Variants in CDK14 observed in about 807,000 individuals in gnomAD.
CDK14 encodes the protein cyclin dependent kinase 14, also known as cyclin-dependent kinase 14.
Under a neutral mutation model 60.7 loss-of-function variants are expected in CDK14, and 34 were observed. That is an observed-to-expected ratio of 0.56 (90% CI 0.43 to 0.75). The LOEUF (loss-of-function observed/expected upper bound fraction) is 0.75, where lower values mean the gene tolerates loss of function less well. Ranked by LOEUF, CDK14 falls within the 30% of genes least tolerant of loss-of-function variation. The pLI is 0.00. For synonymous variants in CDK14, 197 were observed against 203.7 expected (o/e 0.97, Z 0.28); for missense variants, 482 against 564.1 (o/e 0.85, Z 1.47).
intron 14 of CDK14, among the ~76,000 whole-genome samples, chr7:91,155,944 G>C (rs999664978): frequency 1.3e-5 from 2 of 152,140 alleles, no homozygotes; most frequent in African/African-American, 4.8e-5. Flanking sequence ...CACTTGCTGG[G>C]TAAAACCTGG....
intron 2 of CDK14, among the ~76,000 whole-genome samples, chr7:90,715,751 G>C (rs1802227843): frequency 6.7e-6 from 1 of 149,312 alleles, no homozygotes; most frequent in Non-Finnish European, 1.5e-5. Flanking sequence ...CCACTGTGTA[G>C]CTTGATTTTT....
At chr7:90,786,818 C>A (rs1294730700) in intron 4 of CDK14, among the ~76,000 whole-genome samples, 1 of 148,768 alleles carries the variant, frequency 6.7e-6, no homozygotes, top group East Asian at 2.0e-4. Flanking sequence ...ACTCTGGAGG[C>A]TGAGGTAGGA....
intron 2 of CDK14, among the ~76,000 whole-genome samples, chr7:90,624,287 G>A (rs1481590601): frequency 6.6e-6 from 1 of 152,160 alleles, no homozygotes; most frequent in Non-Finnish European, 1.5e-5. Flanking sequence ...TCAGATTAGG[G>A]GAGGTATGTG....
At chr7:91,078,471 G>C (rs1244961710) in intron 11 of CDK14, among the ~76,000 whole-genome samples, 1 of 152,134 alleles carries the variant, frequency 6.6e-6, no homozygotes, top group Non-Finnish European at 1.5e-5. Context: ...GCTGGGTGTG[G>C]CAGCACATGC....
intron 4 of CDK14, among the ~76,000 whole-genome samples, chr7:90,784,504 A>G (rs1805484125): frequency 6.6e-6 from 1 of 152,230 alleles, no homozygotes; most frequent in African/African-American, 2.4e-5. Flanking sequence ...TTATATGTTT[A>G]TATCAATAGC....
At chr7:90,991,845 C>G (rs1795548065) in intron 10 of CDK14, among the ~76,000 whole-genome samples, 1 of 152,116 alleles carries the variant, frequency 6.6e-6, no homozygotes, top group Admixed American at 6.5e-5. Context: ...GAGGGATGCA[C>G]TAGGTTGTCC....
intron 2 of CDK14, among the ~76,000 whole-genome samples, chr7:90,687,657 C>T (rs1233058212): frequency 1.3e-5 from 2 of 151,944 alleles, no homozygotes; most frequent in African/African-American, 4.8e-5. Flanking sequence ...GAAAACAAGG[C>T]AGAAAGTTTT....
intron 5 of CDK14, among the ~76,000 whole-genome samples, chr7:90,861,771 A>G (rs1211778208): frequency 6.6e-6 from 1 of 152,208 alleles, no homozygotes; most frequent in Non-Finnish European, 1.5e-5. Flanking sequence ...GGCAAAGGTG[A>G]CAGAAAAAAA....
chr7:90,654,343 T>G (rs1296471116), intron 2 of CDK14, among the ~76,000 whole-genome samples: 1 of 152,236 alleles, frequency 6.6e-6, no homozygotes, highest in Non-Finnish European at 1.5e-5. Context: ...TGAAATTAGC[T>G]GATTACTCAG....
chr7:90,680,908 G>A (rs1276044739), intron 2 of CDK14, among the ~76,000 whole-genome samples: 1 of 152,160 alleles, frequency 6.6e-6, no homozygotes, highest in Non-Finnish European at 1.5e-5. Flanking sequence ...GGCCATACGT[G>A]GATGTACTTT....
chr7:90,756,016 G>A (rs1003930517), intron 4 of CDK14, among the ~76,000 whole-genome samples: 1 of 152,164 alleles, frequency 6.6e-6, no homozygotes, highest in African/African-American at 2.4e-5. Flanking sequence ...GCTTAGAGAG[G>A]TTTAGCATCT....
At chr7:90,597,118 C>T (rs1360233524) in intron 1 of CDK14, 1 of 185,722 alleles carries the variant, frequency 5.4e-6, no homozygotes, top group Non-Finnish European at 1.1e-5. Flanking sequence ...AGTAATTTAG[C>T]TTTGGAAATT....
chr7:90,899,088 A>G (rs1792421977), intron 6 of CDK14, among the ~76,000 whole-genome samples: 1 of 151,972 alleles, frequency 6.6e-6, no homozygotes, highest in Admixed American at 6.6e-5. Flanking sequence ...AACATAAAAC[A>G]GAGCCGAGAG....
At chr7:90,930,717 C>A (rs1453842643) in intron 8 of CDK14, among the ~76,000 whole-genome samples, 1 of 152,042 alleles carries the variant, frequency 6.6e-6, no homozygotes, top group Admixed American at 6.6e-5. Context: ...AAACTTCAGT[C>A]ATTTCTAATA....
chr7:90,816,881 A>G (rs1452990241), intron 5 of CDK14, among the ~76,000 whole-genome samples: 2 of 152,216 alleles, frequency 1.3e-5, no homozygotes, highest in Non-Finnish European at 2.9e-5. Flanking sequence ...CCACCATTTT[A>G]CAAGAGAACA....
chr7:91,082,026 G>C (rs1584030406), intron 12 of CDK14, among the ~76,000 whole-genome samples: 2 of 152,096 alleles, frequency 1.3e-5, no homozygotes, highest in African/African-American at 4.8e-5. Context: ...AACATGTACT[G>C]TTTTCTGACT....
intron 5 of CDK14, among the ~76,000 whole-genome samples, chr7:90,821,506 C>T (rs979065337): frequency 6.6e-6 from 1 of 152,170 alleles, no homozygotes; most frequent in African/African-American, 2.4e-5. Context: ...CTCTCTGCCT[C>T]CTCAAGGGCC....
rs1173742211 is a variant in CDK14, at chr7:90,726,562, C to A, written c.124-5C>A. ...AGTTCTGAATTTAATTTCTTCTTTTCTCAGATATGTGTCACAAAGATGTCT... is the reference window on the plus strand; with the variant it reads ...AGTTCTGAATTTAATTTCTTCTTTTATCAGATATGTGTCACAAAGATGTCT... On this transcript the variant is annotated splice_polypyrimidine_tract_variant and splice_region_variant and intron_variant, in intron 2 of 14. Transcript: ENST00000380050. 1 of 1,612,014 alleles carries A rather than the reference C, an allele frequency of 6.2e-7. No individual in the cohort carries two copies. Among genetic ancestry groups the A allele is most frequent in the Non-Finnish European group, 8.5e-7 (1 of 1,178,908 alleles).
chr7:91,019,429 A>T (rs1437132316), intron 10 of CDK14, among the ~76,000 whole-genome samples: 1 of 152,220 alleles, frequency 6.6e-6, no homozygotes, highest in Non-Finnish European at 1.5e-5. Context: ...ATAATACATG[A>T]TTTTAAAGTA....
Sources: gnomAD v4.1 joint callset for allele counts (sites outside exome capture counted in the v4.1 genomes callset) on GRCh38, gnomAD v4.1.1 for gene constraint, MANE v1.5 for transcripts, NCBI Gene and HGNC (gene_info 2026-07-23, HGNC 2026-07-21) for gene names.